NRXN1: variants seen among roughly 807,000 people sequenced by gnomAD.
NRXN1 encodes the protein neurexin 1.
NRXN1 carries 39 observed loss-of-function variants against 150.9 expected under a neutral mutation model. The observed-to-expected ratio is 0.26, with a 90% CI of 0.20 to 0.34. The LOEUF (loss-of-function observed/expected upper bound fraction) is 0.34. Ranked by LOEUF, NRXN1 falls within the 10% of genes least tolerant of loss-of-function variation. NRXN1 has a pLI of 1.00. For missense variants in NRXN1, 1,815 were observed against 1,949.9 expected, an observed-to-expected ratio of 0.93 and a Z score of 1.30; for synonymous variants, 924 against 757.0, an observed-to-expected ratio of 1.22 and a Z score of -3.62.
intron 17 of NRXN1, among the ~76,000 whole-genome samples, chr2:50,308,077 T>C (rs888761722): frequency 6.6e-6 from 1 of 152,174 alleles, no homozygotes; most frequent in Non-Finnish European, 1.5e-5. Flanking sequence ...AGTTACCAGT[T>C]ACGGTTACCT....
intron 5 of NRXN1, among the ~76,000 whole-genome samples, chr2:50,798,298 TA>T (rs1707125234): frequency 6.6e-6 from 1 of 152,202 alleles, no homozygotes; most frequent in African/African-American, 2.4e-5. Flanking sequence ...AGAATTTGTT[TA>T]AAAATTATTT....
At chr2:50,241,899 A>G (rs1367198782) in intron 17 of NRXN1, among the ~76,000 whole-genome samples, 1 of 151,806 alleles carries the variant, frequency 6.6e-6, no homozygotes, top group Non-Finnish European at 1.5e-5. Context: ...GAAAAAGAAA[A>G]CCAATCAGCA....
chr2:50,559,030 C>G (rs188554043), intron 8 of NRXN1, among the ~76,000 whole-genome samples: 1 of 151,926 alleles, frequency 6.6e-6, no homozygotes, highest in African/African-American at 2.4e-5. Context: ...TGCAGTGAGC[C>G]GAGATCGCAC....
At chr2:50,381,579 C>A (rs12467043) in intron 17 of NRXN1, among the ~76,000 whole-genome samples, 37,458 of 144,312 alleles carry the variant, frequency 0.26, 4,979 homozygotes, top group East Asian at 0.45. Flanking sequence ...ACACAATCTG[C>A]TTTTGGCTAT....
At chr2:50,874,012 C>A (rs776834700) in intron 5 of NRXN1, among the ~76,000 whole-genome samples, 29 of 151,846 alleles carry the variant, frequency 1.9e-4, no homozygotes, top group Non-Finnish European at 2.9e-4. Context: ...CCAAGGGCAA[C>A]CAATTTGCCT....
At chr2:50,483,710 G>T (rs1217890786) in intron 15 of NRXN1, among the ~76,000 whole-genome samples, 1 of 152,090 alleles carries the variant, frequency 6.6e-6, no homozygotes, top group East Asian at 1.9e-4. Flanking sequence ...TTGACTCCCA[G>T]GCTAATTCTT....
intron 5 of NRXN1, among the ~76,000 whole-genome samples, chr2:50,905,735 G>T (rs759102975): frequency 1.3e-5 from 2 of 151,538 alleles, no homozygotes; most frequent in Non-Finnish European, 2.9e-5. Context: ...TCTCCTATAT[G>T]GTCATTATAT....
At chr2:50,704,984 T>G (rs1263398383) in intron 5 of NRXN1, among the ~76,000 whole-genome samples, 1 of 151,950 alleles carries the variant, frequency 6.6e-6, no homozygotes, top group Non-Finnish European at 1.5e-5. Context: ...ATTACTTGCC[T>G]AAAGTTATGC....
intron 17 of NRXN1, among the ~76,000 whole-genome samples, chr2:50,439,149 A>G (rs2085703178): frequency 6.6e-6 from 1 of 152,184 alleles, no homozygotes; most frequent in African/African-American, 2.4e-5. Flanking sequence ...GGTGACTACA[A>G]TACCTCCAGC....
intron 17 of NRXN1, among the ~76,000 whole-genome samples, chr2:50,408,875 C>CTCTCTCTCTCTCTCTCTT (rs2082950002): frequency 7.1e-6 from 1 of 141,624 alleles, no homozygotes; most frequent in African/African-American, 2.6e-5. Flanking sequence ...CTCTCTCTCT[C>CTCTCTCTCTCTCTCTCTT]ATATTTATAT....
intron 5 of NRXN1, among the ~76,000 whole-genome samples, chr2:50,712,879 T>C (rs1420940512): frequency 1.3e-5 from 2 of 152,170 alleles, no homozygotes; most frequent in Non-Finnish European, 2.9e-5. Flanking sequence ...GGGAAAGGTG[T>C]GTAATTGCAG....
chr2:50,675,657 G>A (rs1159997972), intron 5 of NRXN1, among the ~76,000 whole-genome samples: 3 of 152,048 alleles, frequency 2.0e-5, no homozygotes, highest in Non-Finnish European at 4.4e-5. Flanking sequence ...ATTAAACCAT[G>A]AATCATCTTG....
At chr2:50,248,712 G>T (rs927603559) in intron 17 of NRXN1, among the ~76,000 whole-genome samples, 1 of 152,072 alleles carries the variant, frequency 6.6e-6, no homozygotes, top group African/African-American at 2.4e-5. Context: ...AAACCATGTA[G>T]ATACATAGTT....
intron 17 of NRXN1, among the ~76,000 whole-genome samples, chr2:50,368,796 A>G (rs903679989): frequency 1.3e-5 from 2 of 152,032 alleles, no homozygotes; most frequent in African/African-American, 4.8e-5. Context: ...CATATTGATG[A>G]TACTCAACAT....
intron 19 of NRXN1, among the ~76,000 whole-genome samples, chr2:50,074,547 T>C (rs1416805553): frequency 6.6e-6 from 1 of 152,134 alleles, no homozygotes; most frequent in Non-Finnish European, 1.5e-5. Context: ...TTCTGGCACA[T>C]ATATATGATG....
chr2:50,297,571 T>C (rs1285980118), intron 17 of NRXN1, among the ~76,000 whole-genome samples: 3 of 152,206 alleles, frequency 2.0e-5, no homozygotes, highest in Non-Finnish European at 1.5e-5. Flanking sequence ...AATTCAGCTC[T>C]GCCCTATTTC....
At position 50,305,920 on chromosome 2, in the gene NRXN1, C is replaced by A. The variant is rs1161377486; in HGVS notation, c.3365-68950G>T. ...TCAGAAAATAACATTTTCCTTCTTT[C>A]ATGATCAATTTAGCCCTACCTTATT... On this transcript the variant is annotated intron_variant, in intron 17 of 22. Coordinates refer to ENST00000401669, the MANE Select transcript of NRXN1 (RefSeq NM_001330078.2). Among the ~76,000 whole-genome samples, 3 of 152,292 alleles carry A rather than the reference C, an allele frequency of 2.0e-5. No homozygotes were observed. In the East Asian group the frequency reaches 5.8e-4, roughly 29 times the overall value.
At chr2:50,321,751 A>G (rs1157917474) in intron 17 of NRXN1, among the ~76,000 whole-genome samples, 2 of 152,120 alleles carry the variant, frequency 1.3e-5, no homozygotes, top group East Asian at 1.9e-4. Flanking sequence ...ACTATCTTCC[A>G]TTCTACAATA....
At chr2:50,602,565 A>T (rs181702683) in intron 8 of NRXN1, among the ~76,000 whole-genome samples, 115 of 152,230 alleles carry the variant, frequency 7.6e-4, no homozygotes, top group South Asian at 2.5e-3. Context: ...ATCAAGAAAG[A>T]TGATTATCAA....
Sources: gnomAD v4.1 joint callset for allele counts (sites outside exome capture counted in the v4.1 genomes callset) on GRCh38, gnomAD v4.1.1 for gene constraint, MANE v1.5 for transcripts, NCBI Gene and HGNC (gene_info 2026-07-23, HGNC 2026-07-21) for gene names.